LRP1B: variants seen among roughly 807,000 people sequenced by gnomAD.
LRP1B encodes low-density lipoprotein receptor-related protein 1B.
A neutral mutation model predicts 556.6 loss-of-function variants in LRP1B; 217 were observed. That is an observed-to-expected ratio of 0.39 (90% CI 0.35 to 0.44). The LOEUF is 0.44. LRP1B is among the 20% of genes least tolerant of loss of function. The pLI is 1.00. For missense variants in LRP1B, 5,053 were observed against 5,620.8 expected, an observed-to-expected ratio of 0.90 and a Z score of 3.23; for synonymous variants, 2,047 against 1,865.8, an observed-to-expected ratio of 1.10 and a Z score of -2.50.
chr2:140,420,014 G>GAAAAAAAAAAAAAAAAAAAAA lies in LRP1B; in HGVS notation c.10414+22489_10414+22490insTTTTTTTTTTTTTTTTTTTTT, dbSNP rs76165653. On this transcript the variant is annotated intron_variant, in intron 66 of 90. Coordinates refer to ENST00000389484, the MANE Select transcript of LRP1B (RefSeq NM_018557.3). ...CAGAGTGAGACTCTGTCATAAAAAAGAAAAAAAAAAAAAAAAAAGGAAAGT... is the reference window on the plus strand; with the variant it reads ...CAGAGTGAGACTCTGTCATAAAAAAGAAAAAAAAAAAAAAAAAAAAAAAAAAAAAAAAAAAAAAAGGAAAGT... Among the ~76,000 whole-genome samples, 4 of 86,326 alleles carry GAAAAAAAAAAAAAAAAAAAAA rather than the reference G, an allele frequency of 4.6e-5. 1 individual carries two copies. Among genetic ancestry groups the GAAAAAAAAAAAAAAAAAAAAA allele is most frequent in the Non-Finnish European group, 2.4e-5 (1 of 42,454 alleles). The allele number at this position is 86,326 out of a possible 152,430, so 56.6% of individuals were successfully genotyped here.
intron 1 of LRP1B, among the ~76,000 whole-genome samples, chr2:142,085,307 A>G (rs1192119877): frequency 6.6e-6 from 1 of 152,188 alleles, no homozygotes; most frequent in African/African-American, 2.4e-5. Flanking sequence ...CTCCCATATT[A>G]ACATGTGAGA....
At position 141,062,132 on chromosome 2, in the gene LRP1B, G is replaced by C. The variant is rs2105468330; in HGVS notation, c.1155C>G (p.Tyr385Ter). Reference protein sequence around the residue: ...LALDLVNKLVYWVDLYLDYVG... With the variant: ...LALDLVNKLV ...CATAGTCCAAGTAAAGATCTACCCA[G>C]TAAACCAATTTGTTGACTAGGTCTA... The change falls in exon 8 of 91, where the codon TAC (tyrosine) becomes TAG (stop). Residue 385 changes from tyrosine to a stop codon, truncating the protein, a stop_gained. Coordinates refer to ENST00000389484, the MANE Select transcript of LRP1B (RefSeq NM_018557.3). LOFTEE classifies it high-confidence loss of function. The C allele has an allele frequency of 6.2e-7, 1 of 1,612,086 alleles. No individual in the cohort carries two copies. The highest frequency in any genetic ancestry group is 8.5e-7 in the Non-Finnish European group (1 of 1,178,712).
At chr2:140,775,490 T>A (rs1689463184) in intron 33 of LRP1B, among the ~76,000 whole-genome samples, 2 of 126,724 alleles carry the variant, frequency 1.6e-5, no homozygotes, top group African/African-American at 6.0e-5. Context: ...TTTTTTTTTT[T>A]AGAAAGAGAA....
intron 33 of LRP1B, among the ~76,000 whole-genome samples, chr2:140,774,126 T>C (rs892607981): frequency 6.6e-6 from 1 of 152,180 alleles, no homozygotes; most frequent in East Asian, 1.9e-4. Context: ...AAATTGGTCA[T>C]ATTTCATACT....
chr2:140,462,163 T>C (rs1029529006), intron 60 of LRP1B, among the ~76,000 whole-genome samples: 1 of 152,204 alleles, frequency 6.6e-6, no homozygotes, highest in Non-Finnish European at 1.5e-5. Flanking sequence ...CTTTTTAATA[T>C]ATTTTAAGAC....
intron 41 of LRP1B, among the ~76,000 whole-genome samples, chr2:140,631,479 A>T (rs1418176442): frequency 6.6e-6 from 1 of 152,260 alleles, no homozygotes; most frequent in Admixed American, 6.5e-5. Flanking sequence ...ACGAGTTAAA[A>T]GTAAGTGGTG....
intron 89 of LRP1B, among the ~76,000 whole-genome samples, chr2:140,235,617 G>A (rs1362272360): frequency 6.6e-6 from 1 of 150,916 alleles, no homozygotes; most frequent in East Asian, 2.0e-4. Context: ...ATGCAATTTT[G>A]GTTATTCAGT....
chr2:141,807,965 G>A (rs896952384), intron 2 of LRP1B, among the ~76,000 whole-genome samples: 1 of 152,004 alleles, frequency 6.6e-6, no homozygotes, highest in South Asian at 2.1e-4. Context: ...CACCTACTTC[G>A]ACATGCATTG....
chr2:141,069,199 C>G (rs574239208), intron 7 of LRP1B, among the ~76,000 whole-genome samples: 1 of 151,890 alleles, frequency 6.6e-6, no homozygotes, highest in African/African-American at 2.4e-5. Context: ...TCTCATTCAC[C>G]TTTTTATTAT....
At chr2:141,579,144 T>G (rs1453272213) in intron 2 of LRP1B, among the ~76,000 whole-genome samples, 2 of 152,188 alleles carry the variant, frequency 1.3e-5, no homozygotes, top group African/African-American at 4.8e-5. Context: ...TTATTTACTC[T>G]TCTTCTTTCT....
intron 84 of LRP1B, among the ~76,000 whole-genome samples, chr2:140,279,208 AT>A (rs1271356120): frequency 2.0e-5 from 3 of 151,994 alleles, no homozygotes; most frequent in Non-Finnish European, 4.4e-5. Context: ...AGCATCTGAT[AT>A]TTTAGCTACG....
At chr2:140,502,326 G>C (rs1689235694) in intron 54 of LRP1B, among the ~76,000 whole-genome samples, 1 of 151,888 alleles carries the variant, frequency 6.6e-6, no homozygotes, top group African/African-American at 2.4e-5. Context: ...TTTGAAGTCA[G>C]GGTATAAAAC....
chr2:141,578,256 C>T (rs532691339), intron 2 of LRP1B, among the ~76,000 whole-genome samples: 3 of 151,832 alleles, frequency 2.0e-5, no homozygotes, highest in Admixed American at 6.6e-5. Flanking sequence ...ATTAGCTGGG[C>T]GTGGTGGCAC....
chr2:141,469,500 TTTA>T (rs10548288), intron 3 of LRP1B, among the ~76,000 whole-genome samples: 66,567 of 151,676 alleles, frequency 0.44, 14,887 homozygotes, highest in Non-Finnish European at 0.49. Context: ...GAGGGCCCAT[TTTA>T]TTATGGCTCA....
intron 41 of LRP1B, among the ~76,000 whole-genome samples, chr2:140,678,004 A>G (rs1377992280): frequency 2.0e-5 from 3 of 152,184 alleles, no homozygotes; most frequent in Admixed American, 1.3e-4. Flanking sequence ...CAGATGAGGA[A>G]ACTAGGACAT....
chr2:141,576,749 G>C (rs1383904244), intron 2 of LRP1B, among the ~76,000 whole-genome samples: 2 of 86,394 alleles, frequency 2.3e-5, no homozygotes, highest in Non-Finnish European at 4.6e-5. Context: ...GTGAGCCCCT[G>C]TCTCAAAAAA....
chr2:141,739,804 G>T (rs1191820937), intron 2 of LRP1B, among the ~76,000 whole-genome samples: 2 of 151,234 alleles, frequency 1.3e-5, no homozygotes, highest in African/African-American at 4.9e-5. Context: ...AATCCATATT[G>T]TTCACCCTGA....
At chr2:141,559,745 G>A (rs1171570655) in intron 2 of LRP1B, among the ~76,000 whole-genome samples, 1 of 151,574 alleles carries the variant, frequency 6.6e-6, no homozygotes, top group Non-Finnish European at 1.5e-5. Flanking sequence ...ATTGAAAATT[G>A]AGGCACAATT....
intron 41 of LRP1B, among the ~76,000 whole-genome samples, chr2:140,649,332 C>A (rs1032219018): frequency 6.6e-6 from 1 of 152,276 alleles, no homozygotes; most frequent in Non-Finnish European, 1.5e-5. Context: ...ATACAGACTT[C>A]TCTCTGTTCT....
Sources: allele counts gnomAD v4.1 joint callset (sites outside exome capture counted in the v4.1 genomes callset), GRCh38; gene constraint gnomAD v4.1.1; transcripts MANE v1.5; gene names NCBI Gene and HGNC (gene_info 2026-07-23, HGNC 2026-07-21).